The following LRP1B variants were observed in gnomAD, a reference collection of about 807,000 sequenced individuals.
LRP1B encodes LDL receptor related protein 1B.
Under a neutral mutation model 556.6 loss-of-function variants are expected in LRP1B, and 217 were observed. The observed-to-expected ratio is 0.39, with a 90% confidence interval of 0.35 to 0.44. The LOEUF is 0.44. LRP1B is among the 20% of genes least tolerant of loss of function. The pLI is 1.00. For synonymous variants in LRP1B, 2,047 were observed against 1,865.8 expected, an observed-to-expected ratio of 1.10 and a Z score of -2.50; for missense variants, 5,053 against 5,620.8, an observed-to-expected ratio of 0.90 and a Z score of 3.23.
intron 14 of LRP1B, among the ~76,000 whole-genome samples, chr2:141,008,428 TATAA>T (rs1697643891): frequency 1.3e-5 from 2 of 151,242 alleles, no homozygotes; most frequent in South Asian, 4.2e-4. Context: ...TATAATTATT[TATAA>T]ATAATTAGAA....
At chr2:140,912,576 T>C (rs1189512131) in intron 21 of LRP1B, among the ~76,000 whole-genome samples, 1 of 151,750 alleles carries the variant, frequency 6.6e-6, no homozygotes, top group Non-Finnish European at 1.5e-5. Context: ...CCATATTAGA[T>C]AATTAGTATG....
At position 140,323,383 on chromosome 2, in the gene LRP1B, T is replaced by C. The variant is rs149961866; in HGVS notation, c.12514+510A>G. Among the ~76,000 whole-genome samples, 80 of 151,986 alleles carry C rather than the reference T, an allele frequency of 5.3e-4. 1 individual carries two copies. In the East Asian group the frequency reaches 0.013, roughly 24 times the overall value. On this transcript the variant is annotated intron_variant, in intron 81 of 90. Coordinates refer to ENST00000389484, the MANE Select transcript of LRP1B (RefSeq NM_018557.3). ...ACTCTTGGGAAGAGTTCTTTTTGTATATATTTAAGAATGATAGTTACTTGT... is the reference window on the plus strand; with the variant it reads ...ACTCTTGGGAAGAGTTCTTTTTGTACATATTTAAGAATGATAGTTACTTGT...
At chr2:141,628,986 C>T (rs960848000) in intron 2 of LRP1B, among the ~76,000 whole-genome samples, 2 of 152,100 alleles carry the variant, frequency 1.3e-5, no homozygotes, top group Non-Finnish European at 2.9e-5. Flanking sequence ...TACATTACTG[C>T]CTTTAATTTG....
chr2:140,406,991 G>A (rs1041649932), intron 66 of LRP1B, among the ~76,000 whole-genome samples: 4 of 151,916 alleles, frequency 2.6e-5, no homozygotes, highest in Middle Eastern at 3.2e-3. Flanking sequence ...GTATAAAATC[G>A]GCACGTAGGC....
intron 1 of LRP1B, among the ~76,000 whole-genome samples, chr2:142,062,836 C>T (rs950941258): frequency 1.3e-5 from 2 of 151,540 alleles, no homozygotes; most frequent in African/African-American, 4.8e-5. Flanking sequence ...TCAACATGAA[C>T]TTTTATTCTT....
At chr2:141,750,402 A>T (rs1694066307) in intron 2 of LRP1B, among the ~76,000 whole-genome samples, 1 of 152,144 alleles carries the variant, frequency 6.6e-6, no homozygotes, top group East Asian at 1.9e-4. Context: ...CTGAAGCTGG[A>T]TATTAATTCC....
rs56278717 is a variant in LRP1B at position 141,738,964 on chromosome 2, C to T, written c.205+71315G>A. ...CATAGGATTGTTATTACACATATAT[C>T]CACACAGACACATTGCAAAATATTT... On this transcript the variant is annotated intron_variant, in intron 2 of 90. Coordinates refer to ENST00000389484, the MANE Select transcript of LRP1B (RefSeq NM_018557.3). Among the ~76,000 whole-genome samples, 949 of 152,144 alleles carry T rather than the reference C, an allele frequency of 6.2e-3. 12 individuals are homozygous for T. Among genetic ancestry groups the T allele is most frequent in the African/African-American group, 0.022 (906 of 41,528 alleles).
chr2:140,775,087 C>T (rs12691565), intron 33 of LRP1B, among the ~76,000 whole-genome samples: 1 of 151,888 alleles, frequency 6.6e-6, no homozygotes, highest in Non-Finnish European at 1.5e-5. Flanking sequence ...TTTATGAATA[C>T]GTAATATGTT....
At chr2:141,678,287 T>G (rs1348158897) in intron 2 of LRP1B, among the ~76,000 whole-genome samples, 1 of 152,106 alleles carries the variant, frequency 6.6e-6, no homozygotes, top group South Asian at 2.1e-4. Context: ...TGAGGTGAAG[T>G]AGAGGTAGAA....
rs2105122197 is a variant in LRP1B, at chr2:140,353,039, G to A, written c.11564C>T (p.Ser3855Phe). The change falls in exon 76 of 91, where the codon TCC becomes TTC. Residue 3855 changes from serine to phenylalanine, a missense_variant. Coordinates refer to ENST00000389484, the MANE Select transcript of LRP1B (RefSeq NM_018557.3). ...TCCTTCCACATTTATACATTGATGG[G>A]AACATGTGCCAAACACCAAACATTC... ...LNECLVFGTC[S>F]HQCINVEGSY... 1 of 1,612,714 alleles carries A rather than the reference G, an allele frequency of 6.2e-7. No homozygotes were observed. The highest frequency in any genetic ancestry group is 8.5e-7 in the Non-Finnish European group (1 of 1,179,302).
intron 1 of LRP1B, among the ~76,000 whole-genome samples, chr2:142,043,638 A>G (rs1559039770): frequency 6.6e-6 from 1 of 151,670 alleles, no homozygotes; most frequent in East Asian, 1.9e-4. Flanking sequence ...TCATTGATCA[A>G]CTTTATTTTT....
chr2:140,557,150 TAACAA>T (rs1558966159), intron 43 of LRP1B, among the ~76,000 whole-genome samples: 1 of 152,136 alleles, frequency 6.6e-6, no homozygotes, highest in Non-Finnish European at 1.5e-5. Flanking sequence ...AATTCATTTT[TAACAA>T]TCACAATAAT....
chr2:141,047,054 T>TTAATAATAATAATAATAA (rs70991134), intron 11 of LRP1B, among the ~76,000 whole-genome samples: 1 of 70,658 alleles, frequency 1.4e-5, no homozygotes, highest in African/African-American at 4.5e-5. Flanking sequence ...TGCACAAAAA[T>TTAATAATAATAATAATAA]TAATAATAAT....
At chr2:140,297,732 T>C in intron 84 of LRP1B, 76 bp downstream of exon 84, 1 of 1,443,514 alleles carries the variant, frequency 6.9e-7, no homozygotes, top group Non-Finnish European at 9.4e-7. Flanking sequence ...ATTAAGATAA[T>C]GGAAGGAGTG....
chr2:140,249,895 C>A (rs955265125), intron 86 of LRP1B, among the ~76,000 whole-genome samples: 2 of 151,850 alleles, frequency 1.3e-5, no homozygotes, highest in Non-Finnish European at 2.9e-5. Context: ...AATGGCAGAG[C>A]ATTTAAGAAA....
chr2:141,110,237 G>A (rs1700715280), intron 7 of LRP1B, among the ~76,000 whole-genome samples: 1 of 151,626 alleles, frequency 6.6e-6, no homozygotes, highest in Admixed American at 6.6e-5. Context: ...TAAAGCCAAA[G>A]GATATAAATT....
At chr2:141,886,040 C>T (rs1293677114) in intron 1 of LRP1B, among the ~76,000 whole-genome samples, 1 of 152,090 alleles carries the variant, frequency 6.6e-6, no homozygotes, top group Non-Finnish European at 1.5e-5. Context: ...AAAGCTTTAT[C>T]CCAATTAAAG....
intron 35 of LRP1B, among the ~76,000 whole-genome samples, chr2:140,725,895 C>T (rs1245540956): frequency 6.6e-6 from 1 of 151,998 alleles, no homozygotes; most frequent in Non-Finnish European, 1.5e-5. Flanking sequence ...AGCCATTGCC[C>T]TCAACCTTAG....
intron 66 of LRP1B, among the ~76,000 whole-genome samples, chr2:140,422,700 G>A (rs1050975715): frequency 6.6e-6 from 1 of 152,156 alleles, no homozygotes; most frequent in Non-Finnish European, 1.5e-5. Flanking sequence ...GCTTAAATTA[G>A]AGCCTGGGGA....
Sources: allele counts gnomAD v4.1 joint callset (sites outside exome capture counted in the v4.1 genomes callset), GRCh38; gene constraint gnomAD v4.1.1; transcripts MANE v1.5; gene names NCBI Gene and HGNC (gene_info 2026-07-23, HGNC 2026-07-21).